Variants in PCDH15 observed in about 807,000 individuals in gnomAD.
PCDH15 encodes the protein protocadherin related 15.
PCDH15 carries 129 observed loss-of-function variants against 178.5 expected under a neutral mutation model. The ratio of observed to expected loss-of-function variants is 0.72; its 90% CI spans 0.63 to 0.84. The LOEUF is 0.84. PCDH15 is among the 40% of genes least tolerant of loss of function. The probability of loss-of-function intolerance (pLI) is 0.00; values close to 1 mark genes in which losing one functional copy is unlikely to be tolerated. For missense variants in PCDH15, 2,230 were observed against 2,099.9 expected, an observed-to-expected ratio of 1.06 and a Z score of -1.21; for synonymous variants, 800 against 732.0, an observed-to-expected ratio of 1.09 and a Z score of -1.50.
Position 55,420,131 on chromosome 10 carries a change from G to A in PCDH15, c.-156+207494C>T, listed in dbSNP as rs573151123. The stretch of plus-strand genomic sequence containing the variant: ...CTCCTCATAAGACAAAAACGTTAGC[G>A]TATGCATTTTCATTTCCTTCAAAAG... On this transcript the variant is annotated intron_variant, in intron 2 of 5. Transcript: ENST00000613346. 1.4e-4 allele frequency among the ~76,000 whole-genome samples: 22 copies of A among 151,770 alleles called. No individual in the cohort carries two copies. In the East Asian group the frequency reaches 1.9e-3, roughly 13 times the overall value.
intron 3 of PCDH15, among the ~76,000 whole-genome samples, chr10:54,489,545 G>C (rs1477674786): frequency 6.6e-6 from 1 of 152,020 alleles, no homozygotes; most frequent in Non-Finnish European, 1.5e-5. Flanking sequence ...GTTTTGTTCA[G>C]GAAAAACATA....
intron 2 of PCDH15, among the ~76,000 whole-genome samples, chr10:54,544,684 T>A (rs1215869027): frequency 1.3e-5 from 2 of 152,310 alleles, no homozygotes; most frequent in East Asian, 1.9e-4. Context: ...TATGATTTCT[T>A]ACTATAAAAC....
intron 21 of PCDH15, among the ~76,000 whole-genome samples, chr10:53,965,144 G>A (rs529537723): frequency 3.6e-4 from 54 of 150,880 alleles, no homozygotes; most frequent in Admixed American, 1.4e-3. Flanking sequence ...TGCAACCTCC[G>A]CCTCTCAGGT....
chr10:54,902,505 C>T (rs1028631760), intron 2 of PCDH15, among the ~76,000 whole-genome samples: 11 of 152,160 alleles, frequency 7.2e-5, no homozygotes, highest in Non-Finnish European at 1.3e-4. Flanking sequence ...CTTGCTTCCC[C>T]TTGCCATTCT....
At chr10:55,108,456 A>G (rs942189753) in intron 2 of PCDH15, among the ~76,000 whole-genome samples, 37 of 152,206 alleles carry the variant, frequency 2.4e-4, no homozygotes, top group African/African-American at 8.9e-4. Flanking sequence ...CAGAACACAA[A>G]TGACTAAATA....
chr10:55,138,558 G>A (rs1245477094), intron 2 of PCDH15, among the ~76,000 whole-genome samples: 1 of 152,100 alleles, frequency 6.6e-6, no homozygotes, highest in East Asian at 1.9e-4. Context: ...CCTTCATTCG[G>A]GAGTCAATCT....
chr10:54,768,500 G>T (rs1359357669), intron 1 of PCDH15, among the ~76,000 whole-genome samples: 1 of 152,112 alleles, frequency 6.6e-6, no homozygotes, highest in African/African-American at 2.4e-5. Flanking sequence ...CATATTCTAT[G>T]TAGTTCATAT....
chr10:54,260,181 T>G (rs922735686), intron 8 of PCDH15, among the ~76,000 whole-genome samples: 2 of 152,152 alleles, frequency 1.3e-5, no homozygotes, highest in Non-Finnish European at 2.9e-5. Flanking sequence ...AAACAATGAA[T>G]TTGATCTCTT....
At chr10:55,028,822 C>G (rs1431872458) in intron 2 of PCDH15, among the ~76,000 whole-genome samples, 2 of 151,966 alleles carry the variant, frequency 1.3e-5, no homozygotes, top group Admixed American at 1.3e-4. Flanking sequence ...TGTTTATCTG[C>G]TTCTAGTGAT....
chr10:54,231,359 G>A (rs1321312387), intron 9 of PCDH15, among the ~76,000 whole-genome samples: 2 of 152,214 alleles, frequency 1.3e-5, no homozygotes, highest in Non-Finnish European at 2.9e-5. Context: ...GAGGGCAATG[G>A]TTGAGGCTTG....
intron 2 of PCDH15, among the ~76,000 whole-genome samples, chr10:55,102,324 A>G (rs1335141523): frequency 1.3e-5 from 2 of 152,082 alleles, no homozygotes; most frequent in Non-Finnish European, 2.9e-5. Flanking sequence ...CTTCTTTCAG[A>G]GAGCCCATTA....
At chr10:55,474,394 T>C (rs1434960552) in intron 2 of PCDH15, among the ~76,000 whole-genome samples, 1 of 152,188 alleles carries the variant, frequency 6.6e-6, no homozygotes, top group Non-Finnish European at 1.5e-5. Flanking sequence ...TAAAATTAGC[T>C]TCAGGGAGAA....
At chr10:53,934,140 C>T (rs1000042621) in intron 25 of PCDH15, among the ~76,000 whole-genome samples, 22 of 151,812 alleles carry the variant, frequency 1.4e-4, no homozygotes, top group Non-Finnish European at 1.5e-4. Context: ...AAGAGATGAG[C>T]GAGAAAATGA....
At chr10:55,140,465 C>T (rs7910670) in intron 2 of PCDH15, among the ~76,000 whole-genome samples, 136,907 of 151,904 alleles carry the variant, frequency 0.9, 62,383 homozygotes, top group Non-Finnish European at 0.97. Context: ...TCAATTGATA[C>T]ATAATTTTTC....
intron 16 of PCDH15, among the ~76,000 whole-genome samples, chr10:54,080,962 A>G (rs987891652): frequency 6.6e-6 from 1 of 152,176 alleles, no homozygotes; most frequent in Admixed American, 6.6e-5. Flanking sequence ...CCATGGTATA[A>G]TAAGAGAAAG....
intron 2 of PCDH15, among the ~76,000 whole-genome samples, chr10:54,561,040 T>A (rs1221821519): frequency 6.6e-6 from 1 of 152,134 alleles, no homozygotes; most frequent in Non-Finnish European, 1.5e-5. Flanking sequence ...ACACAGTAAA[T>A]GAACTTAAAG....
At chr10:54,951,337 T>C (rs566112299) in intron 2 of PCDH15, among the ~76,000 whole-genome samples, 1 of 152,048 alleles carries the variant, frequency 6.6e-6, no homozygotes, top group East Asian at 1.9e-4. Flanking sequence ...CATTTTTAGA[T>C]TGGCTTTTCT....
At chr10:53,822,436 G>A in intron 32 of PCDH15, 1 of 1,588,676 alleles carries the variant, frequency 6.3e-7, no homozygotes, top group Non-Finnish European at 8.6e-7. Context: ...GGAGCAAGAG[G>A]AGCAGGAGCA....
chr10:54,190,488 C>T (rs544117934), intron 11 of PCDH15, among the ~76,000 whole-genome samples: 1 of 152,178 alleles, frequency 6.6e-6, no homozygotes, highest in African/African-American at 2.4e-5. Flanking sequence ...ACTGCAGCCT[C>T]GAACCAGTGG....
Sources: allele counts gnomAD v4.1 joint callset (sites outside exome capture counted in the v4.1 genomes callset), GRCh38; gene constraint gnomAD v4.1.1; transcripts MANE v1.5; gene names NCBI Gene and HGNC (gene_info 2026-07-23, HGNC 2026-07-21).